Variants in EPHA6 observed in about 807,000 individuals in gnomAD.
EPHA6 encodes ephrin type-A receptor 6.
A neutral mutation model predicts 112.0 loss-of-function variants in EPHA6; 50 were observed. The observed-to-expected ratio is 0.45, with a 90% CI of 0.36 to 0.56. The LOEUF (loss-of-function observed/expected upper bound fraction) is 0.56, where lower values mean the gene tolerates loss of function less well. Among genes scored for constraint, EPHA6 ranks in the 20% least tolerant of loss-of-function variants. The pLI, the probability that EPHA6 is intolerant of heterozygous loss-of-function variation, is 0.00. For missense variants in EPHA6, 1,280 were observed against 1,417.4 expected, an observed-to-expected ratio of 0.90 and a Z score of 1.56; for synonymous variants, 529 against 490.7, an observed-to-expected ratio of 1.08 and a Z score of -1.03.
Position 97,306,680 on chromosome 3 carries a change from G to C in EPHA6, c.1606+62393G>C, listed in dbSNP as rs574227840. Among the ~76,000 whole-genome samples, 11 of 151,882 alleles carry C rather than the reference G, an allele frequency of 7.2e-5. No individual in the cohort carries two copies. In the South Asian group the frequency reaches 2.3e-3, roughly 32 times the overall value. On this transcript the variant is annotated intron_variant, in intron 5 of 17. Transcript: ENST00000389672. ...AGAGAAGTTTCTCACAGTAGTTTCT[G>C]TTCCTTTCAATTTCAAATATATTAC... is the stretch of plus-strand genomic sequence containing the variant.
chr3:97,207,692 A>G (rs974272325), intron 3 of EPHA6, among the ~76,000 whole-genome samples: 1 of 152,198 alleles, frequency 6.6e-6, no homozygotes, highest in Non-Finnish European at 1.5e-5. Context: ...AAAATGATTT[A>G]CACAAAATTT....
intron 3 of EPHA6, among the ~76,000 whole-genome samples, chr3:97,154,968 G>T (rs1284791933): frequency 6.6e-6 from 1 of 152,136 alleles, no homozygotes; most frequent in East Asian, 1.9e-4. Context: ...CTAGCTGTTT[G>T]TATGACTTAG....
chr3:96,970,268 A>ACAC (rs1559631875), intron 2 of EPHA6, among the ~76,000 whole-genome samples: 1 of 120,888 alleles, frequency 8.3e-6, no homozygotes, highest in African/African-American at 3.8e-5. Flanking sequence ...CACACACACA[A>ACAC]ACACACACAC....
At chr3:97,660,698 A>G (rs2094164113) in intron 14 of EPHA6, among the ~76,000 whole-genome samples, 1 of 152,098 alleles carries the variant, frequency 6.6e-6, no homozygotes, top group East Asian at 1.9e-4. Context: ...ACAGGTGACA[A>G]TATCTGGAGA....
intron 10 of EPHA6, among the ~76,000 whole-genome samples, chr3:97,521,392 T>C (rs2092540369): frequency 6.6e-6 from 1 of 152,118 alleles, no homozygotes; most frequent in South Asian, 2.1e-4. Context: ...AGGAAAGTGG[T>C]TTAATTGACT....
At chr3:97,741,865 A>G (rs1186804039) in intron 16 of EPHA6, among the ~76,000 whole-genome samples, 1 of 152,124 alleles carries the variant, frequency 6.6e-6, no homozygotes, top group Non-Finnish European at 1.5e-5. Flanking sequence ...ACTGGAGAGC[A>G]GCCTGTTATT....
intron 14 of EPHA6, among the ~76,000 whole-genome samples, chr3:97,649,154 C>T (rs2094089460): frequency 6.6e-6 from 1 of 152,082 alleles, no homozygotes; most frequent in African/African-American, 2.4e-5. Flanking sequence ...GTTTAATTGA[C>T]TCACAGTTCC....
intron 14 of EPHA6, among the ~76,000 whole-genome samples, chr3:97,684,449 C>G (rs1035869882): frequency 1.3e-5 from 2 of 152,138 alleles, no homozygotes; most frequent in Non-Finnish European, 2.9e-5. Context: ...TTGACTTACC[C>G]TCCACCACAT....
At chr3:97,580,056 A>T (rs1330674665) in intron 11 of EPHA6, among the ~76,000 whole-genome samples, 1 of 152,234 alleles carries the variant, frequency 6.6e-6, no homozygotes, top group Non-Finnish European at 1.5e-5. Flanking sequence ...AACTTTAGAC[A>T]TTTATTGGAT....
In EPHA6 at chr3:97,499,211, A is replaced by ATG. The variant is rs375280684; in HGVS notation, c.2200+15153_2200+15154dup. Among the ~76,000 whole-genome samples the ATG allele has an allele frequency of 6.5e-3, 992 of 152,276 alleles. 11 individuals are homozygous for ATG. The highest frequency in any genetic ancestry group is 0.022 in the African/African-American group (913 of 41,556). ...TTTTACCTGATTCTGTTTTTTAATT[A>ATG]TGAATTAAACGTTACTTATTGACTT... is the stretch of plus-strand genomic sequence containing the variant. On this transcript the variant is annotated intron_variant, in intron 10 of 17. Transcript: ENST00000389672.
At chr3:96,930,989 CT>C (rs2040285205) in intron 2 of EPHA6, among the ~76,000 whole-genome samples, 1 of 5,566 alleles carries the variant, frequency 1.8e-4, no homozygotes, top group East Asian at 4.3e-3. Context: ...GAGACTCTGT[CT>C]CCAAAAAAAA....
chr3:96,918,223 C>T (rs933918419), intron 2 of EPHA6, among the ~76,000 whole-genome samples: 1 of 151,944 alleles, frequency 6.6e-6, no homozygotes, highest in African/African-American at 2.4e-5. Flanking sequence ...TACTCAGATG[C>T]TAGAGATTGA....
intron 3 of EPHA6, among the ~76,000 whole-genome samples, chr3:97,160,354 A>G (rs566061012): frequency 1.3e-5 from 2 of 152,074 alleles, no homozygotes; most frequent in Non-Finnish European, 2.9e-5. Flanking sequence ...TCGGGTCACT[A>G]CAATCTCCGC....
intron 5 of EPHA6, among the ~76,000 whole-genome samples, chr3:97,341,438 T>C (rs2083298509): frequency 6.6e-6 from 1 of 151,696 alleles, no homozygotes; most frequent in Non-Finnish European, 1.5e-5. Context: ...CACTGCAAGC[T>C]CCGCCTCCCA....
chr3:97,114,026 A>G (rs2047807524), intron 3 of EPHA6, among the ~76,000 whole-genome samples: 1 of 152,100 alleles, frequency 6.6e-6, no homozygotes, highest in East Asian at 1.9e-4. Context: ...CCTGATCACG[A>G]GGAGGAGGTG....
intron 2 of EPHA6, among the ~76,000 whole-genome samples, chr3:96,982,389 T>C (rs1323988436): frequency 1.3e-5 from 2 of 152,212 alleles, no homozygotes; most frequent in Non-Finnish European, 2.9e-5. Flanking sequence ...TAATCCTGAG[T>C]TCTAGTTTGA....
At chr3:97,049,829 C>T (rs1441964671) in intron 3 of EPHA6, among the ~76,000 whole-genome samples, 1 of 152,064 alleles carries the variant, frequency 6.6e-6, no homozygotes, top group East Asian at 1.9e-4. Context: ...AGAACTCACT[C>T]ACCCTTGAGG....
intron 1 of EPHA6, among the ~76,000 whole-genome samples, chr3:96,829,375 G>A (rs1374869718): frequency 1.3e-5 from 2 of 151,946 alleles, no homozygotes; most frequent in Non-Finnish European, 2.9e-5. Context: ...ATTACTGTGG[G>A]GTCACATAAC....
chr3:97,075,810 TG>T (rs148130712), intron 3 of EPHA6, among the ~76,000 whole-genome samples: 4 of 152,076 alleles, frequency 2.6e-5, no homozygotes, highest in Admixed American at 6.6e-5. Context: ...ATTCTTGTAG[TG>T]TTTAAAAAAT....
Sources: allele counts gnomAD v4.1 joint callset (sites outside exome capture counted in the v4.1 genomes callset), GRCh38; gene constraint gnomAD v4.1.1; transcripts MANE v1.5; gene names NCBI Gene and HGNC (gene_info 2026-07-23, HGNC 2026-07-21).